Variants in SUCLA2 observed in about 807,000 individuals in gnomAD.
SUCLA2 encodes succinate-CoA ligase ADP-forming subunit beta, also known as succinate--CoA ligase [ADP-forming] subunit beta, mitochondrial.
SUCLA2 carries 30 observed loss-of-function variants against 54.8 expected under a neutral mutation model. That is an observed-to-expected ratio of 0.55 (90% CI 0.41 to 0.74). The LOEUF is 0.74. Among genes scored for constraint, SUCLA2 ranks in the 30% least tolerant of loss-of-function variants. SUCLA2 has a pLI of 0.00. For missense variants in SUCLA2, 476 were observed against 562.9 expected, an observed-to-expected ratio of 0.85 and a Z score of 1.56; for synonymous variants, 172 against 188.9, an observed-to-expected ratio of 0.91 and a Z score of 0.74.
At chr13:47,996,755 C>G in intron 2 of SUCLA2, 88 bp downstream of exon 2, 1 of 1,279,688 alleles carries the variant, frequency 7.8e-7, no homozygotes, top group Non-Finnish European at 1.1e-6. Flanking sequence ...TAAAAAAAAG[C>G]TAAAAGTTGT....
At chr13:47,986,437 A>G (rs1245661154) in intron 4 of SUCLA2, among the ~76,000 whole-genome samples, 1 of 151,846 alleles carries the variant, frequency 6.6e-6, no homozygotes, top group Non-Finnish European at 1.5e-5. Flanking sequence ...TAAACTTTGG[A>G]TATTAGACCT....
intron 2 of SUCLA2, among the ~76,000 whole-genome samples, chr13:47,992,395 A>C (rs1222462706): frequency 6.6e-6 from 1 of 151,664 alleles, no homozygotes. Flanking sequence ...AAGCAAAAAA[A>C]AAAAAAAAAA....
At chr13:47,955,899 A>G (rs965151912) in intron 6 of SUCLA2, among the ~76,000 whole-genome samples, 1 of 152,198 alleles carries the variant, frequency 6.6e-6, no homozygotes, top group African/African-American at 2.4e-5. Context: ...CTGCTGCCCA[A>G]CACAGGAGAA....
At chr13:47,953,361 C>T (rs1224801226) in intron 8 of SUCLA2, among the ~76,000 whole-genome samples, 1 of 152,126 alleles carries the variant, frequency 6.6e-6, no homozygotes, top group African/African-American at 2.4e-5. Flanking sequence ...TAATACTCTG[C>T]TTCTCGAGTT....
At chr13:47,954,014 AC>A in intron 8 of SUCLA2, 125 bp downstream of exon 8, 1 of 886,778 alleles carries the variant, frequency 1.1e-6, no homozygotes, top group Non-Finnish European at 1.5e-6. Context: ...GCAAAAAAAG[AC>A]TCAAAATATA....
At chr13:47,974,469 C>A (rs1267627774) in intron 4 of SUCLA2, among the ~76,000 whole-genome samples, 1 of 152,086 alleles carries the variant, frequency 6.6e-6, no homozygotes, top group African/African-American at 2.4e-5. Context: ...CCCCTTTAGT[C>A]CCAGCTACAC....
At chr13:47,967,772 A>C (rs1325584668) in intron 6 of SUCLA2, among the ~76,000 whole-genome samples, 1 of 150,950 alleles carries the variant, frequency 6.6e-6, no homozygotes, top group African/African-American at 2.4e-5. Flanking sequence ...TGAACCCAAG[A>C]GGTGGAGATG....
intron 6 of SUCLA2, among the ~76,000 whole-genome samples, chr13:47,959,513 G>A (rs9562789): frequency 0.079 from 1,187 of 15,006 alleles, 68 homozygotes; most frequent in African/African-American, 0.12. Flanking sequence ...GGGAGGAGGA[G>A]GAGGAGGAGG....
chr13:47,962,681 A>C (rs532514869), intron 6 of SUCLA2, among the ~76,000 whole-genome samples: 1 of 152,170 alleles, frequency 6.6e-6, no homozygotes, highest in Non-Finnish European at 1.5e-5. Context: ...TATGGTATGG[A>C]GCTGCCTATG....
intron 4 of SUCLA2, among the ~76,000 whole-genome samples, chr13:47,980,817 T>C (rs1950055733): frequency 3.3e-5 from 5 of 152,102 alleles, no homozygotes; most frequent in Admixed American, 3.3e-4. Context: ...TCTTCAACAA[T>C]GGTGGGAAAG....
intron 10 of SUCLA2, among the ~76,000 whole-genome samples, chr13:47,944,020 T>C (rs1357319618): frequency 1.3e-5 from 2 of 151,994 alleles, no homozygotes; most frequent in Non-Finnish European, 2.9e-5. Flanking sequence ...CCAGTTACCA[T>C]ACAAAACATC....
rs1950097484 is a variant in SUCLA2 at position 47,985,707 on chromosome 13, T to C, written c.534+2834A>G. On this transcript the variant is annotated intron_variant, in intron 4 of 10. Coordinates refer to ENST00000646932, the MANE Select transcript of SUCLA2 (RefSeq NM_003850.3). ...GTGCTGCAGTGAACATACCGATGCA[T>C]GTATCTTTATAACAGAATGATTTAT... Among the ~76,000 whole-genome samples, 3 of 152,280 alleles carry C rather than the reference T, an allele frequency of 2.0e-5. No homozygotes were observed. In the South Asian group the frequency reaches 6.2e-4, roughly 32 times the overall value.
chr13:48,001,235 G>T lies in SUCLA2; in HGVS notation c.35C>A (p.Ala12Asp), dbSNP rs1247189411. The change falls in exon 1 of 11, where the codon GCC becomes GAC. Residue 12 changes from alanine to aspartate, a missense_variant. By Grantham distance (126) the Ala-to-Asp change is moderately radical. Around this residue, in one of 2 missense-constraint regions of SUCLA2, gnomAD observed 134 missense variants for 118.7 expected, o/e 1.13. Transcript: ENST00000646932. ...AASMFYGRLV[A>D]VATLRNHRPR... ...CCGGTGGTTCCGAAGGGTGGCCACG[G>T]CCACTAGCCTGCCGTAGAACATGGA... The T allele has an allele frequency of 3.7e-6, 6 of 1,605,708 alleles. No homozygotes were observed. The highest frequency in any genetic ancestry group is 5.1e-6 in the Non-Finnish European group (6 of 1,177,320).
chr13:47,950,173 T>C (rs551208220), intron 8 of SUCLA2, among the ~76,000 whole-genome samples: 1 of 152,264 alleles, frequency 6.6e-6, no homozygotes, highest in African/African-American at 2.4e-5. Flanking sequence ...AAATGACAAC[T>C]CATAAAGATG....
intron 6 of SUCLA2, among the ~76,000 whole-genome samples, chr13:47,962,941 A>C (rs1453889931): frequency 6.6e-6 from 1 of 152,108 alleles, no homozygotes; most frequent in Admixed American, 6.5e-5. Flanking sequence ...CACCACATCC[A>C]GACAATGAGA....
chr13:47,976,758 T>C (rs1257658451), intron 4 of SUCLA2, among the ~76,000 whole-genome samples: 4 of 152,184 alleles, frequency 2.6e-5, no homozygotes, highest in African/African-American at 7.2e-5. Flanking sequence ...ATACTTACCA[T>C]TGGAGAATCC....
At chr13:47,943,987 T>C (rs1156443373) in intron 10 of SUCLA2, among the ~76,000 whole-genome samples, 1 of 152,088 alleles carries the variant, frequency 6.6e-6, no homozygotes, top group Non-Finnish European at 1.5e-5. Context: ...CAATTCTCTC[T>C]ACAATCTGTC....
chr13:47,958,488 T>C (rs533471701), intron 6 of SUCLA2, among the ~76,000 whole-genome samples: 1 of 152,176 alleles, frequency 6.6e-6, no homozygotes, highest in Non-Finnish European at 1.5e-5. Flanking sequence ...TTCATGTGAG[T>C]TAAGTAAATC....
chr13:48,000,533 AT>A (rs1950221857), intron 1 of SUCLA2, among the ~76,000 whole-genome samples: 1 of 152,236 alleles, frequency 6.6e-6, no homozygotes, highest in African/African-American at 2.4e-5. Context: ...CACATCAAAT[AT>A]TCAAAACAAG....
Sources: allele counts gnomAD v4.1 joint callset (sites outside exome capture counted in the v4.1 genomes callset), GRCh38; gene constraint gnomAD v4.1.1; regional missense constraint gnomAD v4.1.1; transcripts MANE v1.5; gene names NCBI Gene and HGNC (gene_info 2026-07-23, HGNC 2026-07-21).